Variants in RPS27 observed in about 807,000 individuals in gnomAD.
RPS27 encodes the protein ribosomal protein S27.
In RPS27, 1 loss-of-function variant was observed where a neutral mutation model predicts 11.8. The observed-to-expected ratio is 0.08, with a 90% CI of 0.03 to 0.40. RPS27 has a LOEUF of 0.40. RPS27 is among the 10% of genes least tolerant of loss of function. The probability of loss-of-function intolerance (pLI) is 0.98; values close to 1 mark genes in which losing one functional copy is unlikely to be tolerated. For missense variants in RPS27, 44 were observed against 100.1 expected, an observed-to-expected ratio of 0.44 and a Z score of 2.39; for synonymous variants, 42 against 33.8, an observed-to-expected ratio of 1.24 and a Z score of -0.84.
intron 1 of RPS27, 55 bp downstream of exon 1, chr1:153,990,857 C>A: frequency 6.2e-7 from 1 of 1,610,530 alleles, no homozygotes; most frequent in Non-Finnish European, 8.5e-7. Flanking sequence ...TCCGAACTCT[C>A]CCCTCACGCT....
In RPS27 at chr1:153,991,581, C is replaced by T. The variant is rs1050891984; in HGVS notation, c.131C>T (p.Thr44Ile). The T allele has an allele frequency of 6.2e-7, 1 of 1,612,262 alleles. No individual in the cohort carries two copies. Among genetic ancestry groups the T allele is most frequent in the Non-Finnish European group, 8.5e-7 (1 of 1,178,652 alleles). The change falls in exon 3 of 4, where the codon ACC becomes ATC. Residue 44 changes from threonine (T) to isoleucine (I), a missense_variant. This residue lies in a region of RPS27 where 23 missense variants were observed against 83.8 expected (regional missense o/e 0.27). Transcript: ENST00000651669. Reference sequence around the variant, plus strand: ...TTTCTTTCAGGATGCTATAAAATCACCACGGTCTTTAGCCATGCACAAACG... The same window carrying T: ...TTTCTTTCAGGATGCTATAAAATCATCACGGTCTTTAGCCATGCACAAACG... ...DVKCPGCYKITTVFSHAQTVV... is the reference protein window; with the variant it reads ...DVKCPGCYKIITVFSHAQTVV...
rs759690356 is a variant in RPS27 at position 153,990,766 on chromosome 1, T to C, written c.-31T>C. 2.3e-5 allele frequency: 37 copies of C among 1,614,088 alleles called. No homozygotes were observed. The highest frequency in any genetic ancestry group is 1.2e-5 in the Non-Finnish European group (14 of 1,180,038). ...GGCAGGATTTCCGCTTTCGCTCCTT[T>C]CCGGCGGTGACGACCTACGCACACG... On this transcript the variant is annotated 5_prime_UTR_variant, in exon 1 of 4. Coordinates refer to ENST00000651669, the MANE Select transcript of RPS27 (RefSeq NM_001030.6).
chr1:153,991,938 G>A, intron 3 of RPS27, 127 bp from the exon 4 acceptor site: 1 of 882,804 alleles, frequency 1.1e-6, no homozygotes, highest in South Asian at 1.4e-5. Flanking sequence ...CAAATGCGCA[G>A]GTAGCTAAGA....
Position 153,990,777 on chromosome 1 carries a change from C to G in RPS27, c.-20C>G, listed in dbSNP as rs1365270602. On this transcript the variant is annotated 5_prime_UTR_variant, in exon 1 of 4. Transcript: ENST00000651669. ...CGCTTTCGCTCCTTTCCGGCGGTGACGACCTACGCACACGAGAACATGCCT... is the reference window on the plus strand; with the variant it reads ...CGCTTTCGCTCCTTTCCGGCGGTGAGGACCTACGCACACGAGAACATGCCT... The G allele has an allele frequency of 1.2e-6, 2 of 1,614,176 alleles. No individual in the cohort carries two copies. Among genetic ancestry groups the G allele is most frequent in the African/African-American group, 1.3e-5 (1 of 75,038 alleles).
chr1:153,990,765 T>C lies in RPS27; in HGVS notation c.-32T>C. The C allele has an allele frequency of 1.2e-6, 2 of 1,614,196 alleles. No homozygotes were observed. Among genetic ancestry groups the C allele is most frequent in the Non-Finnish European group, 1.7e-6 (2 of 1,180,022 alleles). ...GGGCAGGATTTCCGCTTTCGCTCCT[T>C]TCCGGCGGTGACGACCTACGCACAC... On this transcript the variant is annotated 5_prime_UTR_variant, in exon 1 of 4. Transcript: ENST00000651669.
intron 3 of RPS27, 54 bp downstream of exon 3, chr1:153,991,730 A>C (rs370162121): frequency 2.5e-6 from 3 of 1,180,048 alleles, no homozygotes. Flanking sequence ...TTAGAAATGG[A>C]AACATTTCTT....
In RPS27 at chr1:153,991,115, C is replaced by A; in HGVS notation, c.7C>A (p.Leu3Ile). 1 of 1,574,934 alleles carries A rather than the reference C, an allele frequency of 6.3e-7. No individual in the cohort carries two copies. Among genetic ancestry groups the A allele is most frequent in the Non-Finnish European group, 8.6e-7 (1 of 1,158,886 alleles). Reference protein sequence around the residue: MPLAKDLLHPSPE... With the variant: MPIAKDLLHPSPE... ...ATCTCTGCATTTCTGTCCCTCTTAGCTCGCAAAGGATCTCCTTCATCCCTC... is the reference window on the plus strand; with the variant it reads ...ATCTCTGCATTTCTGTCCCTCTTAGATCGCAAAGGATCTCCTTCATCCCTC... The change falls in exon 2 of 4, where the codon CTC (leucine) becomes ATC (isoleucine). Residue 3 changes from leucine to isoleucine, a missense_variant and splice_region_variant. Coordinates refer to ENST00000651669, the MANE Select transcript of RPS27 (RefSeq NM_001030.6).
chr1:153,991,575 A>G lies in RPS27; in HGVS notation c.125A>G (p.Lys42Arg). The stretch of plus-strand genomic sequence containing the variant: ...TCTGCTTTTCTTTCAGGATGCTATA[A>G]AATCACCACGGTCTTTAGCCATGCA... The part of the protein sequence containing the change: ...FMDVKCPGCY[K>R]ITTVFSHAQT... The change falls in exon 3 of 4, where the codon AAA (lysine) becomes AGA (arginine). Residue 42 changes from lysine (K) to arginine (R), a missense_variant. This residue lies in a region of RPS27 where 23 missense variants were observed against 83.8 expected (regional missense o/e 0.27). Coordinates refer to ENST00000651669, the MANE Select transcript of RPS27 (RefSeq NM_001030.6). The G allele has an allele frequency of 6.2e-7, 1 of 1,612,174 alleles. No individual in the cohort carries two copies. Among genetic ancestry groups the G allele is most frequent in the Non-Finnish European group, 8.5e-7 (1 of 1,178,440 alleles).
intron 2 of RPS27, 21 bp downstream of exon 2, chr1:153,991,244 A>G (rs748421500): frequency 6.3e-7 from 1 of 1,583,078 alleles, no homozygotes; most frequent in Non-Finnish European, 8.6e-7. Flanking sequence ...GGCTTGCTGT[A>G]GTGGGGAAAG....
rs1013170057 is a variant in RPS27 at position 153,990,791 on chromosome 1, G to C, written c.-6G>C. 3.7e-6 allele frequency: 6 copies of C among 1,614,220 alleles called. No homozygotes were observed. Among genetic ancestry groups the C allele is most frequent in the Non-Finnish European group, 3.4e-6 (4 of 1,180,040 alleles). ...TCCGGCGGTGACGACCTACGCACACGAGAACATGCCTGTGAGTGCTTTGGT... is the reference window on the plus strand; with the variant it reads ...TCCGGCGGTGACGACCTACGCACACCAGAACATGCCTGTGAGTGCTTTGGT... On this transcript the variant is annotated 5_prime_UTR_variant, in exon 1 of 4. Transcript: ENST00000651669.
chr1:153,991,104 G>A lies in RPS27; in HGVS notation c.7-11G>A. 1 of 1,555,238 alleles carries A rather than the reference G, an allele frequency of 6.4e-7. No individual in the cohort carries two copies. Among genetic ancestry groups the A allele is most frequent in the Non-Finnish European group, 8.7e-7 (1 of 1,146,814 alleles). The stretch of plus-strand genomic sequence containing the variant: ...TTGGTTTCTAAATCTCTGCATTTCT[G>A]TCCCTCTTAGCTCGCAAAGGATCTC... On this transcript the variant is annotated splice_polypyrimidine_tract_variant and intron_variant, in intron 1 of 3. Coordinates refer to ENST00000651669, the MANE Select transcript of RPS27 (RefSeq NM_001030.6).
At chr1:153,990,840 T>C (rs372265113) in intron 1 of RPS27, 38 bp downstream of exon 1, 4 of 1,614,086 alleles carry the variant, frequency 2.5e-6, no homozygotes, top group Admixed American at 3.3e-5. Flanking sequence ...GAGATCTCGC[T>C]GTTCTGTCCG....
At chr1:153,990,851 A>C (rs965181420) in intron 1 of RPS27, 49 bp downstream of exon 1, 1 of 1,612,674 alleles carries the variant, frequency 6.2e-7, no homozygotes, top group South Asian at 1.1e-5. Context: ...GTTCTGTCCG[A>C]ACTCTCCCCT....
In RPS27 at chr1:153,990,789, A is replaced by C. The variant is rs769891920; in HGVS notation, c.-8A>C. ...TTTCCGGCGGTGACGACCTACGCAC[A>C]CGAGAACATGCCTGTGAGTGCTTTG... On this transcript the variant is annotated 5_prime_UTR_variant, in exon 1 of 4. Coordinates refer to ENST00000651669, the MANE Select transcript of RPS27 (RefSeq NM_001030.6). 1.9e-6 allele frequency: 3 copies of C among 1,614,114 alleles called. No homozygotes were observed. Among genetic ancestry groups the C allele is most frequent in the Non-Finnish European group, 2.5e-6 (3 of 1,180,046 alleles).
chr1:153,991,631 A>G lies in RPS27; in HGVS notation c.181A>G (p.Thr61Ala). The change falls in exon 3 of 4, where the codon ACT becomes GCT. Residue 61 changes from threonine to alanine, a missense_variant. By Grantham distance (58) the Thr-to-Ala change is moderately conservative (BLOSUM62 0). Around this residue, in one of 2 missense-constraint regions of RPS27, gnomAD observed 23 missense variants for 83.8 expected, o/e 0.27. Coordinates refer to ENST00000651669, the MANE Select transcript of RPS27 (RefSeq NM_001030.6). Reference sequence around the variant, plus strand: ...GGTAGTTTTGTGTGTTGGCTGCTCCACTGTCCTCTGCCAGCCTACAGGAGG... The same window carrying G: ...GGTAGTTTTGTGTGTTGGCTGCTCCGCTGTCCTCTGCCAGCCTACAGGAGG... ...QTVVLCVGCS[T>A]VLCQPTGGKA... The G allele has an allele frequency of 6.2e-7, 1 of 1,613,062 alleles. No individual in the cohort carries two copies. Among genetic ancestry groups the G allele is most frequent in the Non-Finnish European group, 8.5e-7 (1 of 1,179,040 alleles).
chr1:153,991,506 C>A, intron 2 of RPS27, 60 bp from the exon 3 acceptor site: 1 of 1,394,500 alleles, frequency 7.2e-7, no homozygotes, highest in Non-Finnish European at 1.0e-6. Context: ...ATGAGTTGGG[C>A]ATAAGTGCAG....
intron 1 of RPS27, 120 bp downstream of exon 1, chr1:153,990,922 C>A: frequency 6.9e-7 from 1 of 1,442,816 alleles, no homozygotes; most frequent in African/African-American, 1.4e-5. Context: ...AGGACATTAA[C>A]TCCAGGGACC....
intron 1 of RPS27, 121 bp from the exon 2 acceptor site, chr1:153,990,994 C>G: frequency 8.6e-7 from 1 of 1,161,594 alleles, no homozygotes; most frequent in Non-Finnish European, 1.2e-6. Flanking sequence ...GGCGGCCCAG[C>G]TGCGCAGACA....
intron 1 of RPS27, 55 bp from the exon 2 acceptor site, chr1:153,991,060 G>A: frequency 7.1e-7 from 1 of 1,400,058 alleles, no homozygotes. Flanking sequence ...GGCTATTTTC[G>A]ACCATCCCAT....
Sources: gnomAD v4.1 joint callset for allele counts on GRCh38, gnomAD v4.1.1 for gene constraint, gnomAD v4.1.1 regional missense constraint, MANE v1.5 for transcripts, NCBI Gene and HGNC (gene_info 2026-07-23, HGNC 2026-07-21) for gene names.